GALNTL6: variants seen among roughly 807,000 people sequenced by gnomAD.
GALNTL6 encodes the protein polypeptide N-acetylgalactosaminyltransferase like 6.
GALNTL6 carries 46 observed loss-of-function variants against 73.7 expected under a neutral mutation model. The ratio of observed to expected loss-of-function variants is 0.62; its 90% CI spans 0.49 to 0.80. The LOEUF (loss-of-function observed/expected upper bound fraction) is 0.80, where lower values mean the gene tolerates loss of function less well. Ranked by LOEUF, GALNTL6 falls within the 30% of genes least tolerant of loss-of-function variation. GALNTL6 has a pLI of 0.00. For synonymous variants in GALNTL6, 259 were observed against 263.7 expected (o/e 0.98, Z 0.17); for missense variants, 604 against 755.0 (o/e 0.80, Z 2.34).
intron 5 of GALNTL6, among the ~76,000 whole-genome samples, chr4:172,392,170 G>A (rs1421332637): frequency 2.0e-5 from 3 of 151,956 alleles, no homozygotes; most frequent in Non-Finnish European, 2.9e-5. Flanking sequence ...CATATTTTTA[G>A]TAGAGGCAGG....
At chr4:172,557,026 G>C (rs1736170030) in intron 5 of GALNTL6, among the ~76,000 whole-genome samples, 1 of 152,196 alleles carries the variant, frequency 6.6e-6, no homozygotes, top group African/African-American at 2.4e-5. Context: ...GTTCTCCACA[G>C]AACATGAATG....
At chr4:172,931,541 A>G (rs1053362644) in intron 9 of GALNTL6, among the ~76,000 whole-genome samples, 1 of 152,206 alleles carries the variant, frequency 6.6e-6, no homozygotes, top group Non-Finnish European at 1.5e-5. Context: ...GTAGATGGGA[A>G]AATGAAGTCT....
chr4:172,958,576 G>A (rs749029791), intron 10 of GALNTL6, among the ~76,000 whole-genome samples: 1 of 152,214 alleles, frequency 6.6e-6, no homozygotes, highest in Non-Finnish European at 1.5e-5. Context: ...AAGAAGGAAA[G>A]GAGTTGTTGT....
chr4:172,021,595 T>C (rs1419305602), intron 2 of GALNTL6, among the ~76,000 whole-genome samples: 1 of 152,002 alleles, frequency 6.6e-6, no homozygotes, highest in Non-Finnish European at 1.5e-5. Flanking sequence ...AACACAATCC[T>C]AAATTTTATA....
At chr4:172,140,554 G>A (rs1035197284) in intron 2 of GALNTL6, among the ~76,000 whole-genome samples, 1 of 151,908 alleles carries the variant, frequency 6.6e-6, no homozygotes, top group Non-Finnish European at 1.5e-5. Context: ...TTCCACACAA[G>A]AACATTGAAC....
intron 2 of GALNTL6, among the ~76,000 whole-genome samples, chr4:172,161,212 AC>A (rs34635241): frequency 1.3e-5 from 2 of 152,004 alleles, no homozygotes; most frequent in Non-Finnish European, 2.9e-5. Context: ...TTATGTAACC[AC>A]CATAGATATT....
chr4:172,658,014 G>A (rs1466624654), intron 5 of GALNTL6, among the ~76,000 whole-genome samples: 1 of 147,182 alleles, frequency 6.8e-6, no homozygotes. Context: ...GCCGGGCGTA[G>A]TGGCGGGCGC....
chr4:172,724,450 A>G (rs1735676143), intron 5 of GALNTL6, among the ~76,000 whole-genome samples: 1 of 152,198 alleles, frequency 6.6e-6, no homozygotes, highest in African/African-American at 2.4e-5. Flanking sequence ...GTCACCCATC[A>G]TGAATGACAA....
At chr4:172,061,521 G>A (rs1300505998) in intron 2 of GALNTL6, among the ~76,000 whole-genome samples, 1 of 152,092 alleles carries the variant, frequency 6.6e-6, no homozygotes, top group Non-Finnish European at 1.5e-5. Context: ...ATGTCTTGTT[G>A]TCACAAGACA....
At chr4:172,568,480 G>T (rs571190550) in intron 5 of GALNTL6, among the ~76,000 whole-genome samples, 8 of 152,204 alleles carry the variant, frequency 5.3e-5, no homozygotes, top group African/African-American at 1.9e-4. Context: ...AGATGGGCCG[G>T]GCGCGGTGGC....
At chr4:172,305,599 T>C (rs1178969903) in intron 3 of GALNTL6, among the ~76,000 whole-genome samples, 1 of 152,150 alleles carries the variant, frequency 6.6e-6, no homozygotes, top group Non-Finnish European at 1.5e-5. Context: ...TTTTTTTTTG[T>C]TTAGAGTCTT....
At chr4:172,831,518 T>G (rs1225538891) in intron 7 of GALNTL6, among the ~76,000 whole-genome samples, 6 of 151,632 alleles carry the variant, frequency 4.0e-5, no homozygotes, top group Non-Finnish European at 8.8e-5. Context: ...TCAGCACAAA[T>G]AAAGAAAGGT....
chr4:172,023,260 A>AAT (rs147809450), intron 2 of GALNTL6, among the ~76,000 whole-genome samples: 1,604 of 150,216 alleles, frequency 0.011, 15 homozygotes, highest in Non-Finnish European at 0.018. Flanking sequence ...GTGTATTGAA[A>AAT]ATATATATAT....
At chr4:172,558,978 T>C (rs1736244840) in intron 5 of GALNTL6, among the ~76,000 whole-genome samples, 1 of 151,936 alleles carries the variant, frequency 6.6e-6, no homozygotes, top group African/African-American at 2.4e-5. Context: ...ATCAAACAAA[T>C]TGTTTGAGAT....
intron 5 of GALNTL6, among the ~76,000 whole-genome samples, chr4:172,365,015 A>G (rs1742504802): frequency 6.6e-6 from 1 of 152,180 alleles, no homozygotes; most frequent in Non-Finnish European, 1.5e-5. Flanking sequence ...AGAATATACA[A>G]TAGTAGGATG....
chr4:172,022,277 G>A (rs1389465788), intron 2 of GALNTL6, among the ~76,000 whole-genome samples: 1 of 152,010 alleles, frequency 6.6e-6, no homozygotes, highest in African/African-American at 2.4e-5. Context: ...ATTTCTGATA[G>A]CATTTCAAGT....
intron 5 of GALNTL6, among the ~76,000 whole-genome samples, chr4:172,539,297 G>T (rs1390341328): frequency 7.9e-5 from 12 of 152,280 alleles, no homozygotes; most frequent in East Asian, 3.9e-4. Context: ...GTTGTCATCA[G>T]CAGCAGCAAT....
At chr4:172,260,540 T>G (rs1465134500) in intron 3 of GALNTL6, among the ~76,000 whole-genome samples, 2 of 151,510 alleles carry the variant, frequency 1.3e-5, no homozygotes, top group African/African-American at 4.8e-5. Flanking sequence ...TACAATCATA[T>G]CTTTGGCAAA....
intron 2 of GALNTL6, among the ~76,000 whole-genome samples, chr4:172,166,740 C>A (rs561355416): frequency 2.0e-5 from 3 of 152,260 alleles, no homozygotes; most frequent in African/African-American, 7.2e-5. Flanking sequence ...TCTTTCTTTG[C>A]CTCCAAGATG....
Sources: allele counts gnomAD v4.1 joint callset (sites outside exome capture counted in the v4.1 genomes callset), GRCh38; gene constraint gnomAD v4.1.1; transcripts MANE v1.5; gene names NCBI Gene and HGNC (gene_info 2026-07-23, HGNC 2026-07-21).